AP2A1: variants seen among roughly 807,000 people sequenced by gnomAD.
AP2A1 encodes AP-2 complex subunit alpha-1.
A neutral mutation model predicts 107.3 loss-of-function variants in AP2A1; 21 were observed. The ratio of observed to expected loss-of-function variants is 0.20; its 90% confidence interval spans 0.14 to 0.28. The LOEUF is 0.28. Ranked by LOEUF, AP2A1 falls within the 10% of genes least tolerant of loss-of-function variation. AP2A1 has a pLI of 1.00. For synonymous variants in AP2A1, 602 were observed against 564.8 expected, an observed-to-expected ratio of 1.07 and a Z score of -0.93; for missense variants, 873 against 1,307.7, an observed-to-expected ratio of 0.67 and a Z score of 5.13.
intron 12 of AP2A1, 73 bp from the exon 13 acceptor site, chr19:49,801,317 G>T: frequency 6.9e-7 from 1 of 1,458,800 alleles, no homozygotes. Flanking sequence ...TCCTAGGGAG[G>T]GGCACCTCTC....
intron 15 of AP2A1, 136 bp downstream of exon 15, chr19:49,802,277 C>G (rs1024053746): frequency 1.2e-6 from 1 of 866,906 alleles, no homozygotes; most frequent in African/African-American, 1.7e-5. Context: ...CCTTCGCCAG[C>G]CCTGGCTGCT....
At position 49,788,408 on chromosome 19, in the gene AP2A1, G is replaced by A. The variant is rs961025988; in HGVS notation, c.474-3527G>A. ...TCTGTAAATGGAGATGATAGAATCC[G>A]CGTCCTTAGAGGGCTGTGGTGGGGA... On this transcript the variant is annotated intron_variant, in intron 4 of 22. Coordinates refer to ENST00000354293, the MANE Select transcript of AP2A1 (RefSeq NM_130787.3). This position sits in a 1 kb window ranked among gnomAD's most constrained non-coding sequence, Gnocchi z 4.5. Among the ~76,000 whole-genome samples, 2 of 152,174 alleles carry A rather than the reference G, an allele frequency of 1.3e-5. No individual in the cohort carries two copies. The highest frequency in any genetic ancestry group is 6.5e-5 in the Admixed American group (1 of 15,276).
chr19:49,805,170 T>G, intron 18 of AP2A1: 2 of 384,322 alleles, frequency 5.2e-6, no homozygotes, highest in Non-Finnish European at 4.7e-6. Context: ...ACTCAGGTGG[T>G]TAAGAGCTGG....
intron 4 of AP2A1, among the ~76,000 whole-genome samples, chr19:49,783,256 A>C (rs1164768835): frequency 6.6e-6 from 1 of 152,188 alleles, no homozygotes; most frequent in Non-Finnish European, 1.5e-5. Flanking sequence ...GGGGAGGCTG[A>C]GGCAGGTAGA....
rs756706797 is a variant in AP2A1 at position 49,800,099 on chromosome 19, C to T, written c.1404C>T (p.Ile468=). 9.6e-5 allele frequency: 155 copies of T among 1,613,768 alleles called. No individual in the cohort carries two copies. The highest frequency in any genetic ancestry group is 1.3e-4 in the South Asian group (12 of 91,074). ...SEEVWYRVLQ[I]VTNRDDVQGY... is the part of the protein sequence containing the mutation. ...AGGTGTGGTACCGTGTGCTACAGAT[C>T]GTCACCAACCGTGATGACGTCCAGG... The change falls in exon 11 of 23, where the codon ATC becomes ATT. Residue 468 remains isoleucine, a synonymous_variant. Transcript: ENST00000354293.
chr19:49,800,246 C>G, intron 11 of AP2A1, 96 bp downstream of exon 11: 1 of 1,389,278 alleles, frequency 7.2e-7, no homozygotes, highest in Non-Finnish European at 9.8e-7. Flanking sequence ...CCCGCAGCCA[C>G]CCTCCTTCTC....
Position 49,788,521 on chromosome 19 carries a change from C to A in AP2A1, c.474-3414C>A, listed in dbSNP as rs116436743. Among the ~76,000 whole-genome samples the A allele has an allele frequency of 6.7e-6, 1 of 148,648 alleles. No homozygotes were observed. The highest frequency in any genetic ancestry group is 1.5e-5 in the Non-Finnish European group (1 of 67,292). On this transcript the variant is annotated intron_variant, in intron 4 of 22. Transcript: ENST00000354293. This position sits in a 1 kb window ranked among gnomAD's most constrained non-coding sequence, Gnocchi z 4.5. Reference sequence around the variant, plus strand: ...GCGCTGTGGCTCAGGAGATGTGTGCCGTGGCAGCGATGGGAAAGTGGCCCA... The same window carrying A: ...GCGCTGTGGCTCAGGAGATGTGTGCAGTGGCAGCGATGGGAAAGTGGCCCA...
At chr19:49,802,614 G>A in intron 15 of AP2A1, 1 of 1,576,474 alleles carries the variant, frequency 6.3e-7, no homozygotes, top group Non-Finnish European at 8.6e-7. Flanking sequence ...GGGGTGGCCT[G>A]GGGTGGGAGG....
chr19:49,777,230 G>A (rs1464584661), intron 1 of AP2A1, among the ~76,000 whole-genome samples: 1 of 150,920 alleles, frequency 6.6e-6, no homozygotes. Context: ...GCGAGACTCT[G>A]TCTCAAGAAA....
At chr19:49,801,671 C>T in intron 13 of AP2A1, 50 bp downstream of exon 13, 1 of 1,527,462 alleles carries the variant, frequency 6.5e-7, no homozygotes, top group Non-Finnish European at 8.8e-7. Context: ...CCCCTTCCCG[C>T]CCTCCCCTCC....
chr19:49,785,275 C>A lies in AP2A1; in HGVS notation c.473+2551C>A, dbSNP rs932858091. Among the ~76,000 whole-genome samples, 3 of 152,182 alleles carry A rather than the reference C, an allele frequency of 2.0e-5. No individual in the cohort carries two copies. The highest frequency in any genetic ancestry group is 4.4e-5 in the Non-Finnish European group (3 of 68,042). Reference sequence around the variant, plus strand: ...AGCAAGACCAGCCAGGCATCTGTCACCAGGTCCAGGTCAGAGCTCGCGGTG... The same window carrying A: ...AGCAAGACCAGCCAGGCATCTGTCAACAGGTCCAGGTCAGAGCTCGCGGTG... On this transcript the variant is annotated intron_variant, in intron 4 of 22. Transcript: ENST00000354293. This position sits in a 1 kb window ranked among gnomAD's most constrained non-coding sequence, Gnocchi z 4.1.
chr19:49,781,024 G>A (rs2084668994), intron 1 of AP2A1, among the ~76,000 whole-genome samples: 1 of 152,122 alleles, frequency 6.6e-6, no homozygotes, highest in Non-Finnish European at 1.5e-5. Flanking sequence ...GAGGGCAGCC[G>A]AGAGCATCCA....
rs115197390 is a variant in AP2A1 at position 49,787,760 on chromosome 19, T to G, written c.474-4175T>G. 3.6e-3 allele frequency among the ~76,000 whole-genome samples: 546 copies of G among 152,254 alleles called. 3 individuals carry two copies. Among genetic ancestry groups the G allele is most frequent in the African/African-American group, 0.013 (533 of 41,560 alleles). ...CACTCATTGCTCCAAAAAAAGACTC[T>G]GTACCCATTAGCAGTCCCTCCCCAT... is the stretch of plus-strand genomic sequence containing the variant. On this transcript the variant is annotated intron_variant, in intron 4 of 22. Transcript: ENST00000354293.
At chr19:49,795,978 G>A (rs772923632) in intron 7 of AP2A1, 35 of 537,696 alleles carry the variant, frequency 6.5e-5, no homozygotes, top group Middle Eastern at 4.9e-4. Flanking sequence ...CCTGCTACCC[G>A]GGCTCTCACT....
chr19:49,805,430 C>T (rs2073355493), intron 18 of AP2A1, 23 bp from the exon 19 acceptor site: 1 of 1,521,510 alleles, frequency 6.6e-7, no homozygotes, highest in Admixed American at 2.1e-5. Flanking sequence ...CTCTGTCTGG[C>T]TTCCTTGACT....
At chr19:49,796,923 C>A (rs960894865) in intron 7 of AP2A1, 1 of 152,228 alleles carries the variant, frequency 6.6e-6, no homozygotes, top group African/African-American at 2.4e-5. Flanking sequence ...TGTGTGTGTA[C>A]ACACTCTGAG....
intron 1 of AP2A1, among the ~76,000 whole-genome samples, chr19:49,773,642 G>A (rs1407598669): frequency 1.3e-5 from 2 of 152,202 alleles, no homozygotes; most frequent in Non-Finnish European, 2.9e-5. Context: ...CTACACAGGT[G>A]AATATTTTGG....
At chr19:49,772,111 A>G (rs1243523734) in intron 1 of AP2A1, among the ~76,000 whole-genome samples, 3 of 151,862 alleles carry the variant, frequency 2.0e-5, no homozygotes, top group Non-Finnish European at 4.4e-5. Flanking sequence ...CGGCTGGAGT[A>G]CAGTGGTGCG....
intron 4 of AP2A1, among the ~76,000 whole-genome samples, chr19:49,791,329 G>A (rs534943164): frequency 2.6e-5 from 4 of 151,942 alleles, no homozygotes; most frequent in Admixed American, 6.6e-5. Context: ...TCCCAGTCTC[G>A]AGCAATCCTC....
Sources: gnomAD v4.1 joint callset for allele counts (sites outside exome capture counted in the v4.1 genomes callset) on GRCh38, gnomAD v4.1.1 for gene constraint, Gnocchi (gnomAD v3.1) non-coding constraint, MANE v1.5 for transcripts, NCBI Gene and HGNC (gene_info 2026-07-23, HGNC 2026-07-21) for gene names.